The following FAM53B variants were observed in gnomAD, a reference collection of about 807,000 sequenced individuals.
FAM53B encodes family with sequence similarity 53 member B, also known as protein FAM53B.
A neutral mutation model predicts 32.7 loss-of-function variants in FAM53B; 12 were observed. The ratio of observed to expected loss-of-function variants is 0.37; its 90% CI spans 0.24 to 0.59. The LOEUF is 0.59. FAM53B is among the 20% of genes least tolerant of loss of function. The probability of loss-of-function intolerance (pLI) is 0.72; values close to 1 mark genes in which losing one functional copy is unlikely to be tolerated. For synonymous variants in FAM53B, 234 were observed against 228.7 expected (o/e 1.02, Z -0.21); for missense variants, 477 against 577.7 (o/e 0.83, Z 1.79).
At chr10:124,701,920 A>G (rs1000931939) in intron 2 of FAM53B, among the ~76,000 whole-genome samples, 14 of 152,204 alleles carry the variant, frequency 9.2e-5, no homozygotes, top group African/African-American at 3.4e-4. Flanking sequence ...GTTTTTTAAA[A>G]CAGGGGAACC....
chr10:124,638,905 A>G (rs1363427811), intron 4 of FAM53B, among the ~76,000 whole-genome samples: 4 of 152,142 alleles, frequency 2.6e-5, no homozygotes, highest in Non-Finnish European at 5.9e-5. Flanking sequence ...GCAGCGCCAG[A>G]AGTGAGTGGT....
chr10:124,738,574 C>A (rs1462319674), intron 1 of FAM53B, among the ~76,000 whole-genome samples: 5 of 151,542 alleles, frequency 3.3e-5, no homozygotes, highest in East Asian at 1.9e-4. Flanking sequence ...CACACTCACA[C>A]CCCCCCGAGA....
intron 1 of FAM53B, among the ~76,000 whole-genome samples, chr10:124,732,491 T>C (rs1434671816): frequency 6.6e-6 from 1 of 152,212 alleles, no homozygotes; most frequent in African/African-American, 2.4e-5. Context: ...CACCACGCCA[T>C]GTCTCAGAAC....
intron 3 of FAM53B, among the ~76,000 whole-genome samples, chr10:124,691,877 A>G (rs1196273422): frequency 6.6e-6 from 1 of 152,216 alleles, no homozygotes; most frequent in Non-Finnish European, 1.5e-5. Context: ...TCTCAGCCAC[A>G]GCCCAGGCCC....
At chr10:124,690,431 G>A (rs937692683) in intron 3 of FAM53B, among the ~76,000 whole-genome samples, 11 of 152,222 alleles carry the variant, frequency 7.2e-5, no homozygotes, top group Non-Finnish European at 1.3e-4. Flanking sequence ...GTTGGGCCAG[G>A]CTGCCTAACT....
chr10:124,666,021 C>T (rs1234860462), intron 4 of FAM53B, among the ~76,000 whole-genome samples: 1 of 152,234 alleles, frequency 6.6e-6, no homozygotes, highest in Non-Finnish European at 1.5e-5. Context: ...AGCCCTGGCA[C>T]AGGCAGTTGT....
chr10:124,713,676 T>G (rs1453555949), intron 1 of FAM53B: 1 of 152,254 alleles, frequency 6.6e-6, no homozygotes, highest in Non-Finnish European at 1.5e-5. Flanking sequence ...GGCTATCCCT[T>G]AAAAGAAACT....
intron 1 of FAM53B, among the ~76,000 whole-genome samples, chr10:124,740,291 C>T (rs1368213210): frequency 6.6e-6 from 1 of 151,862 alleles, no homozygotes; most frequent in Non-Finnish European, 1.5e-5. Context: ...ACGCTGTGCA[C>T]AGGAGGTTTG....
rs545093530 is a variant in FAM53B, at chr10:124,627,109, A to T, written c.907-3505T>A. Among the ~76,000 whole-genome samples the T allele has an allele frequency of 1.5e-3, 226 of 152,376 alleles. 1 individual carries two copies. The highest frequency in any genetic ancestry group is 5.3e-3 in the African/African-American group (219 of 41,596). On this transcript the variant is annotated intron_variant, in intron 4 of 4. Coordinates refer to ENST00000337318, the MANE Select transcript of FAM53B (RefSeq NM_014661.4). ...AAACAGCCATTTCAGCCACAGTAAA[A>T]GAAAGCCAAGAACCACCCACTGTTT... is the stretch of plus-strand genomic sequence containing the variant.
intron 1 of FAM53B, among the ~76,000 whole-genome samples, chr10:124,719,240 G>A (rs1589762949): frequency 1.3e-5 from 2 of 152,038 alleles, no homozygotes; most frequent in East Asian, 1.9e-4. Flanking sequence ...CCATGGGGGT[G>A]GGGGAACAGG....
intron 3 of FAM53B, among the ~76,000 whole-genome samples, chr10:124,691,019 A>G (rs1949829506): frequency 6.6e-6 from 1 of 152,190 alleles, no homozygotes; most frequent in Non-Finnish European, 1.5e-5. Flanking sequence ...TTCTTCGTTT[A>G]TTTGTTCTAA....
At chr10:124,735,033 C>T in intron 1 of FAM53B, among the ~76,000 whole-genome samples, 1 of 152,162 alleles carries the variant, frequency 6.6e-6, no homozygotes. Flanking sequence ...GGAATCACAC[C>T]GCAGGCCGAG....
chr10:124,645,843 C>T (rs1241512604), intron 4 of FAM53B, among the ~76,000 whole-genome samples: 2 of 152,164 alleles, frequency 1.3e-5, no homozygotes, highest in South Asian at 2.1e-4. Context: ...TAAGGGTAAA[C>T]AGCCTGTCCC....
At chr10:124,716,103 TAGAC>T (rs1253612240) in intron 1 of FAM53B, among the ~76,000 whole-genome samples, 1 of 152,200 alleles carries the variant, frequency 6.6e-6, no homozygotes. Context: ...CTGCTGTCCT[TAGAC>T]AGAGAGGGCA....
intron 1 of FAM53B, among the ~76,000 whole-genome samples, chr10:124,716,204 C>T (rs990252839): frequency 1.3e-5 from 2 of 152,182 alleles, no homozygotes; most frequent in Middle Eastern, 3.2e-3. Flanking sequence ...AACATATTCC[C>T]TGATCTAGTC....
intron 4 of FAM53B, among the ~76,000 whole-genome samples, chr10:124,666,158 G>A (rs1182010853): frequency 1.3e-5 from 2 of 152,230 alleles, no homozygotes; most frequent in South Asian, 2.1e-4. Flanking sequence ...CTCCCAGGCT[G>A]ATAAGCTAGA....
At chr10:124,705,524 G>C (rs1949950143) in intron 2 of FAM53B, 1 of 152,312 alleles carries the variant, frequency 6.6e-6, no homozygotes. Context: ...ATGGGCTTCA[G>C]CTGCGAGTTC....
intron 4 of FAM53B, among the ~76,000 whole-genome samples, chr10:124,632,131 C>A (rs1298077754): frequency 6.6e-6 from 1 of 152,242 alleles, no homozygotes; most frequent in Non-Finnish European, 1.5e-5. Flanking sequence ...GGTGGCCAAC[C>A]CAGGGGCCCC....
intron 1 of FAM53B, among the ~76,000 whole-genome samples, chr10:124,743,430 C>A (rs1378415081): frequency 6.6e-6 from 1 of 151,950 alleles, no homozygotes; most frequent in Non-Finnish European, 1.5e-5. Flanking sequence ...CTTCCCCCGC[C>A]CGGGACAGAA....
Sources: allele counts gnomAD v4.1 joint callset (sites outside exome capture counted in the v4.1 genomes callset), GRCh38; gene constraint gnomAD v4.1.1; transcripts MANE v1.5; gene names NCBI Gene and HGNC (gene_info 2026-07-23, HGNC 2026-07-21).